Variants in XRN1 observed in about 807,000 individuals in gnomAD.
XRN1 encodes 5'-3' exoribonuclease 1.
Under a neutral mutation model 222.3 loss-of-function variants are expected in XRN1, and 67 were observed. The ratio of observed to expected loss-of-function variants is 0.30; its 90% confidence interval spans 0.25 to 0.37. The LOEUF (loss-of-function observed/expected upper bound fraction) is 0.37. Among genes scored for constraint, XRN1 ranks in the 10% least tolerant of loss-of-function variants. The pLI is 1.00. For missense variants in XRN1, 1,707 were observed against 2,000.2 expected, an observed-to-expected ratio of 0.85 and a Z score of 2.80; for synonymous variants, 643 against 652.4, an observed-to-expected ratio of 0.99 and a Z score of 0.22.
chr3:142,382,114 T>G lies in XRN1; in HGVS notation c.2616+1186A>C, dbSNP rs111650006. Among the ~76,000 whole-genome samples the G allele has an allele frequency of 8.3e-3, 1,265 of 152,310 alleles. 19 individuals carry two copies. Among genetic ancestry groups the G allele is most frequent in the African/African-American group, 0.028 (1,156 of 41,562 alleles). On this transcript the variant is annotated intron_variant, in intron 22 of 40. Transcript: ENST00000392981. The stretch of plus-strand genomic sequence containing the variant: ...ATGCTAACTTTGATTATACCATTAA[T>G]ATGTTGCTCAATTTTTTTCCTGCAT...
At chr3:142,429,936 T>A (rs1177530185) in intron 2 of XRN1, among the ~76,000 whole-genome samples, 1 of 152,178 alleles carries the variant, frequency 6.6e-6, no homozygotes, top group Non-Finnish European at 1.5e-5. Context: ...AGGGAATCAG[T>A]TTTTTTCAGT....
At chr3:142,332,663 A>T in intron 35 of XRN1, 129 bp from the exon 36 acceptor site, 2 of 902,644 alleles carry the variant, frequency 2.2e-6, no homozygotes, top group Non-Finnish European at 3.1e-6. Flanking sequence ...AACTACATTC[A>T]GATAGAAACT....
In XRN1 at chr3:142,357,106, T is replaced by C; in HGVS notation, c.3478A>G (p.Arg1160Gly). The change falls in exon 31 of 41, where the codon AGA becomes GGA. Residue 1160 changes from arginine (R) to glycine (G), a missense_variant. Physicochemically the swap from Arg to Gly is moderately radical, Grantham distance 125 (BLOSUM62 -2). Transcript: ENST00000392981. ...GCACTTGTTGGCAGTCGATAACCTC[T>C]ACCAGGTGAGCATCTAAAAGTAAAA... is the stretch of plus-strand genomic sequence containing the variant. ...GGLTIRCSPG[R>G]GYRLPTSALV... 6.2e-7 allele frequency: 1 copy of C among 1,611,088 alleles called. No individual in the cohort carries two copies. The highest frequency in any genetic ancestry group is 8.5e-7 in the Non-Finnish European group (1 of 1,178,566).
rs1315102604 is a variant in XRN1 at position 142,370,561 on chromosome 3, G to T, written c.3128C>A (p.Ser1043Tyr). ...WLKGHPVSTLSRSSCDLQILD... is the reference protein window; with the variant it reads ...WLKGHPVSTLYRSSCDLQILD... Reference sequence around the variant, plus strand: ...AATTTGTAAATCACAAGAAGAACGAGATAAAGTACTGACAGGATGTCCTTT... The same window carrying T: ...AATTTGTAAATCACAAGAAGAACGATATAAAGTACTGACAGGATGTCCTTT... The change falls in exon 27 of 41, where the codon TCT becomes TAT. Residue 1043 changes from serine to tyrosine, a missense_variant. Around this residue, in one of 2 missense-constraint regions of XRN1, gnomAD observed 1,234 missense variants for 1,518.2 expected, o/e 0.81. Coordinates refer to ENST00000392981, the MANE Select transcript of XRN1 (RefSeq NM_001282857.2). 6.2e-7 allele frequency: 1 copy of T among 1,607,420 alleles called. No homozygotes were observed. Among genetic ancestry groups the T allele is most frequent in the Non-Finnish European group, 8.5e-7 (1 of 1,177,682 alleles).
chr3:142,425,433 T>A lies in XRN1; in HGVS notation c.512A>T (p.His171Leu). ...WQGVTIYFSG[H>L]ETPGEGEHKI... ...TAAATAAAAAAAGATAATAACCTCATGGCCTGAGAAGTAGATGGTAACTCC... is the reference window on the plus strand; with the variant it reads ...TAAATAAAAAAAGATAATAACCTCAAGGCCTGAGAAGTAGATGGTAACTCC... Residue 171 changes from histidine to leucine, a missense_variant, in exon 4 of 41, where the codon CAT becomes CTT. Physicochemically the swap from His to Leu is moderately conservative, Grantham distance 99. This residue lies in a region of XRN1 where 1,234 missense variants were observed against 1,518.2 expected (regional missense o/e 0.81). Transcript: ENST00000392981. The A allele has an allele frequency of 1.9e-6, 3 of 1,610,054 alleles. No homozygotes were observed. The highest frequency in any genetic ancestry group is 2.5e-6 in the Non-Finnish European group (3 of 1,177,816).
rs1442099654 is a variant in XRN1 at position 142,318,798 on chromosome 3, G to T, written c.4510C>A (p.Gln1504Lys). Reference sequence around the variant, plus strand: ...TCATGGACAGTTCTTACCAACTGTTGTAAAGCAAAAAGTGCAGCTTTCTCT... The same window carrying T: ...TCATGGACAGTTCTTACCAACTGTTTTAAAGCAAAAAGTGCAGCTTTCTCT... ...AKEKAALFAL[Q>K]QLGSLGMNFP... The change falls in exon 38 of 41, where the codon CAA becomes AAA. Residue 1504 changes from glutamine to lysine, a missense_variant. This residue lies in a region of XRN1 where 473 missense variants were observed against 482.0 expected (regional missense o/e 0.98). Transcript: ENST00000392981. 1.9e-6 allele frequency: 3 copies of T among 1,613,880 alleles called. No homozygotes were observed. Among genetic ancestry groups the T allele is most frequent in the Non-Finnish European group, 2.5e-6 (3 of 1,179,858 alleles).
chr3:142,394,792 A>G (rs2067868489), intron 20 of XRN1, among the ~76,000 whole-genome samples: 4 of 152,180 alleles, frequency 2.6e-5, no homozygotes, highest in South Asian at 2.1e-4. Flanking sequence ...TCAATCCTAT[A>G]TCCTTCTTTA....
intron 18 of XRN1, among the ~76,000 whole-genome samples, chr3:142,402,953 T>C (rs923989946): frequency 2.6e-5 from 4 of 152,214 alleles, no homozygotes; most frequent in African/African-American, 9.6e-5. Flanking sequence ...TTTATGTCTC[T>C]ATCACCTGAT....
chr3:142,311,839 T>C (rs1398207389), intron 40 of XRN1, 26 bp from the exon 41 acceptor site: 18 of 1,535,232 alleles, frequency 1.2e-5, no homozygotes, highest in Non-Finnish European at 1.6e-5. Context: ...GCATCACTAA[T>C]TAATAATGTA....
intron 20 of XRN1, among the ~76,000 whole-genome samples, chr3:142,393,589 TC>T (rs1207150496): frequency 6.6e-6 from 1 of 151,910 alleles, no homozygotes; most frequent in African/African-American, 2.4e-5. Flanking sequence ...GGGAATCCTT[TC>T]CCCATTGCTT....
At chr3:142,386,631 T>C (rs1304117483) in intron 20 of XRN1, among the ~76,000 whole-genome samples, 1 of 152,030 alleles carries the variant, frequency 6.6e-6, no homozygotes, top group Non-Finnish European at 1.5e-5. Flanking sequence ...AAGAAAACTA[T>C]AAAGTAATGA....
intron 37 of XRN1, among the ~76,000 whole-genome samples, chr3:142,321,786 G>A (rs1458881299): frequency 6.6e-6 from 1 of 152,056 alleles, no homozygotes; most frequent in African/African-American, 2.4e-5. Context: ...CACTGTTAGT[G>A]TATAAAAATA....
At chr3:142,391,628 C>T (rs1446713672) in intron 20 of XRN1, among the ~76,000 whole-genome samples, 1 of 151,276 alleles carries the variant, frequency 6.6e-6, no homozygotes, top group Non-Finnish European at 1.5e-5. Context: ...ATTGCAGAGG[C>T]GGAGGCAGGA....
Position 142,447,823 on chromosome 3 carries a change from A to G in XRN1, c.75+47T>C, listed in dbSNP as rs774953393. 77 of 1,605,192 alleles carry G rather than the reference A, an allele frequency of 4.8e-5. No individual in the cohort carries two copies. Among genetic ancestry groups the G allele is most frequent in the Non-Finnish European group, 6.2e-5 (73 of 1,174,940 alleles). ...AGCTCTAAGGTGGAGAGGGCCGCGG[A>G]GCCCCGGGTCCTCGGCTTTCTGAGC... On this transcript the variant is annotated intron_variant, in intron 1 of 40. Coordinates refer to ENST00000392981, the MANE Select transcript of XRN1 (RefSeq NM_001282857.2). The surrounding 1 kb of genome is among the most constrained non-coding windows in gnomAD (Gnocchi z 4.2).
At chr3:142,350,428 G>C (rs1317537475) in intron 32 of XRN1, among the ~76,000 whole-genome samples, 1 of 152,130 alleles carries the variant, frequency 6.6e-6, no homozygotes, top group Admixed American at 6.5e-5. Flanking sequence ...TGTGATTAGA[G>C]AGGTGACACA....
rs752087766 is a variant in XRN1 at position 142,397,424 on chromosome 3, A to C, written c.2244T>G (p.Leu748=). The C allele has an allele frequency of 2.5e-6, 4 of 1,608,622 alleles. No individual in the cohort carries two copies. In the Admixed American group the frequency reaches 6.7e-5, roughly 27 times the overall value. Residue 748 remains leucine, a synonymous_variant, in exon 20 of 41, where the codon CTT becomes CTG. Transcript: ENST00000392981. ...YLEEPPGTQK[L]YSGRTAPPSK... ...ATGGTGGGGCAGTTCTTCCTGAATA[A>C]AGCTTCTGTGTTCCTGGAGGTTCTT... is the stretch of plus-strand genomic sequence containing the variant.
intron 25 of XRN1, among the ~76,000 whole-genome samples, chr3:142,372,627 T>C (rs1024303997): frequency 4.6e-5 from 7 of 152,178 alleles, no homozygotes; most frequent in African/African-American, 1.7e-4. Flanking sequence ...GAGGCAGTTC[T>C]CCTCATCCAG....
Position 142,312,772 on chromosome 3 carries a change from AG to A in XRN1, c.4622-15del. On this transcript the variant is annotated splice_polypyrimidine_tract_variant and intron_variant, in intron 39 of 40. Coordinates refer to ENST00000392981, the MANE Select transcript of XRN1 (RefSeq NM_001282857.2). The stretch of plus-strand genomic sequence containing the variant: ...GCATTATATTAGCTGTTAAAAACCA[AG>A]GAAAATTTTTCTTTTAGTAAAATGG... 1 of 1,578,492 alleles carries A rather than the reference AG, an allele frequency of 6.3e-7. No homozygotes were observed.
Position 142,307,413 on chromosome 3 carries a change from T to C in XRN1, c.*4098A>G, listed in dbSNP as rs1244295479. Reference sequence around the variant, plus strand: ...ACAGGTTTAACTTTGTAAAAAAATGTATCTTTTGGAAACCATAGTCTCCTT... The same window carrying C: ...ACAGGTTTAACTTTGTAAAAAAATGCATCTTTTGGAAACCATAGTCTCCTT... On this transcript the variant is annotated 3_prime_UTR_variant, in exon 41 of 41. Coordinates refer to ENST00000392981, the MANE Select transcript of XRN1 (RefSeq NM_001282857.2). 6.6e-6 allele frequency: 1 copy of C among 152,130 alleles called. No individual in the cohort carries two copies. Among genetic ancestry groups the C allele is most frequent in the Non-Finnish European group, 1.5e-5 (1 of 68,026 alleles). The allele number at this position is 152,130 out of a possible 1,614,324, so 9.4% of individuals were successfully genotyped here.
Sources: allele counts gnomAD v4.1 joint callset (sites outside exome capture counted in the v4.1 genomes callset), GRCh38; gene constraint gnomAD v4.1.1; regional missense constraint gnomAD v4.1.1; non-coding constraint Gnocchi (gnomAD v3.1); transcripts MANE v1.5; gene names NCBI Gene and HGNC (gene_info 2026-07-23, HGNC 2026-07-21).